SLC26A3: variants seen among roughly 807,000 people sequenced by gnomAD.
The protein encoded by SLC26A3 is chloride anion exchanger.
SLC26A3 carries 64 observed loss-of-function variants against 85.6 expected under a neutral mutation model. The ratio of observed to expected loss-of-function variants is 0.75; its 90% CI spans 0.61 to 0.92. The LOEUF is 0.92. Ranked by LOEUF, SLC26A3 falls within the 40% of genes least tolerant of loss-of-function variation. The probability of loss-of-function intolerance (pLI) is 0.00; values close to 1 mark genes in which losing one functional copy is unlikely to be tolerated. For missense variants in SLC26A3, 922 were observed against 927.3 expected (o/e 0.99, Z 0.07); for synonymous variants, 349 against 336.0 (o/e 1.04, Z -0.42).
Position 107,782,973 on chromosome 7 carries a change from G to T in SLC26A3, c.1233+7C>A. 6.2e-7 allele frequency: 1 copy of T among 1,613,634 alleles called. No homozygotes were observed. Among genetic ancestry groups the T allele is most frequent in the Non-Finnish European group, 8.5e-7 (1 of 1,179,516 alleles). ...GGACAGTGCTTGCAGCAAAGATCTT[G>T]ACATACCTGTGTTTTGCCTCCTGTG... On this transcript the variant is annotated splice_region_variant and intron_variant, in intron 10 of 20. Transcript: ENST00000340010.
intron 15 of SLC26A3, 90 bp downstream of exon 15, chr7:107,776,362 C>T (rs1794114801): frequency 9.3e-7 from 1 of 1,078,518 alleles, no homozygotes. Context: ...TGTGACACAA[C>T]CCAGTCTCAA....
At chr7:107,778,349 T>G (rs1051904985) in intron 12 of SLC26A3, 68 bp from the exon 13 acceptor site, 1 of 758,876 alleles carries the variant, frequency 1.3e-6, no homozygotes, top group African/African-American at 1.9e-5. Flanking sequence ...AGACGGGGTC[T>G]TTTAAAAAGA....
intron 3 of SLC26A3, 104 bp downstream of exon 3, chr7:107,793,637 TG>T (rs1794441790): frequency 1.2e-6 from 1 of 842,124 alleles, no homozygotes; most frequent in South Asian, 1.6e-5. Flanking sequence ...AATTAGATAG[TG>T]GTGACAGATG....
At chr7:107,796,087 T>C (rs556927403) in intron 1 of SLC26A3, among the ~76,000 whole-genome samples, 1 of 144,510 alleles carries the variant, frequency 6.9e-6, no homozygotes, top group African/African-American at 2.7e-5. Flanking sequence ...AGCTCAGTTA[T>C]GACTCCCTTA....
At chr7:107,780,593 A>G (rs1008205384) in intron 11 of SLC26A3, among the ~76,000 whole-genome samples, 2 of 152,204 alleles carry the variant, frequency 1.3e-5, no homozygotes, top group Admixed American at 1.3e-4. Flanking sequence ...ATACTGCTAT[A>G]CCATGAAAAC....
chr7:107,766,503 T>G (rs535816039), intron 20 of SLC26A3, among the ~76,000 whole-genome samples: 1 of 152,282 alleles, frequency 6.6e-6, no homozygotes, highest in Admixed American at 6.5e-5. Flanking sequence ...TCATGGTGCT[T>G]ATGTACATTC....
At chr7:107,776,090 G>A in intron 15 of SLC26A3, 1 of 333,734 alleles carries the variant, frequency 3.0e-6, no homozygotes, top group South Asian at 3.0e-5. Flanking sequence ...TTGAGGATGT[G>A]GTCAAATATT....
intron 4 of SLC26A3, 63 bp downstream of exon 4, chr7:107,791,767 T>G (rs1315489348): frequency 2.9e-6 from 3 of 1,034,688 alleles, no homozygotes; most frequent in Non-Finnish European, 4.6e-6. Context: ...ATAGAAGGTA[T>G]GGCTAATAAA....
intron 11 of SLC26A3, among the ~76,000 whole-genome samples, chr7:107,781,962 A>G (rs1794222197): frequency 6.6e-6 from 1 of 152,158 alleles, no homozygotes; most frequent in Non-Finnish European, 1.5e-5. Flanking sequence ...TAGTTCACAT[A>G]CATGATCTTA....
rs1794066424 is a variant in SLC26A3, at chr7:107,773,917, T to C, written c.2007+3A>G. The stretch of plus-strand genomic sequence containing the variant: ...TTGTTTCCATTAAGAACAAAGAAAT[T>C]ACCGATTTAAGGCCCCTCACTGAAG... On this transcript the variant is annotated splice_donor_region_variant and intron_variant, in intron 17 of 20. Coordinates refer to ENST00000340010, the MANE Select transcript of SLC26A3 (RefSeq NM_000111.3). The C allele has an allele frequency of 6.2e-7, 1 of 1,605,522 alleles. No homozygotes were observed. The highest frequency in any genetic ancestry group is 8.5e-7 in the Non-Finnish European group (1 of 1,172,258).
Position 107,765,770 on chromosome 7 carries a change from A to G in SLC26A3, c.*85T>C, listed in dbSNP as rs993046588. The G allele has an allele frequency of 7.0e-6, 7 of 995,118 alleles. No individual in the cohort carries two copies. The highest frequency in any genetic ancestry group is 1.6e-5 in the African/African-American group (1 of 62,980). The allele number at this position is 995,118 out of a possible 1,614,324, so 61.6% of individuals were successfully genotyped here. Reference sequence around the variant, plus strand: ...TTCTGTCAAAAATACTCTTCGTACAATGTATGAACTTATCAATAACTTTCT... The same window carrying G: ...TTCTGTCAAAAATACTCTTCGTACAGTGTATGAACTTATCAATAACTTTCT... On this transcript the variant is annotated 3_prime_UTR_variant, in exon 21 of 21. Coordinates refer to ENST00000340010, the MANE Select transcript of SLC26A3 (RefSeq NM_000111.3).
At chr7:107,798,431 C>T (rs1794546899) in intron 1 of SLC26A3, among the ~76,000 whole-genome samples, 1 of 152,206 alleles carries the variant, frequency 6.6e-6, no homozygotes, top group Non-Finnish European at 1.5e-5. Context: ...AGAACCTCCA[C>T]TCTGCCTGCC....
At chr7:107,782,179 A>C (rs908189129) in intron 11 of SLC26A3, among the ~76,000 whole-genome samples, 1 of 152,184 alleles carries the variant, frequency 6.6e-6, no homozygotes, top group African/African-American at 2.4e-5. Flanking sequence ...ATTTACTGTC[A>C]TCTTGTTTCC....
intron 5 of SLC26A3, among the ~76,000 whole-genome samples, chr7:107,790,235 C>T (rs1794369999): frequency 6.6e-6 from 1 of 152,142 alleles, no homozygotes; most frequent in Admixed American, 6.5e-5. Flanking sequence ...CATTGTTTTG[C>T]AATCGAGTGA....
chr7:107,795,235 C>T (rs1301217138), intron 1 of SLC26A3, among the ~76,000 whole-genome samples: 1 of 152,110 alleles, frequency 6.6e-6, no homozygotes, highest in Non-Finnish European at 1.5e-5. Context: ...TGAGCCTTGC[C>T]TGTATAATGG....
chr7:107,801,440 C>T (rs1794597682), intron 1 of SLC26A3, among the ~76,000 whole-genome samples: 1 of 152,162 alleles, frequency 6.6e-6, no homozygotes, highest in Non-Finnish European at 1.5e-5. Flanking sequence ...GACAAATCTC[C>T]TTGAGGTGAC....
intron 8 of SLC26A3, among the ~76,000 whole-genome samples, chr7:107,783,751 A>G (rs1413320836): frequency 6.6e-6 from 1 of 152,224 alleles, no homozygotes; most frequent in Admixed American, 6.5e-5. Flanking sequence ...TTGAGCAAAC[A>G]CAATTGTGAG....
At chr7:107,770,544 C>T (rs995503164) in intron 18 of SLC26A3, among the ~76,000 whole-genome samples, 15 of 152,062 alleles carry the variant, frequency 9.9e-5, no homozygotes, top group African/African-American at 2.9e-4. Context: ...AGGCATGAGC[C>T]ACCGCTCCCA....
chr7:107,790,151 T>A (rs1794368332), intron 5 of SLC26A3, among the ~76,000 whole-genome samples: 1 of 152,210 alleles, frequency 6.6e-6, no homozygotes, highest in South Asian at 2.1e-4. Flanking sequence ...AAGAAATACA[T>A]AACTGCATAT....
Sources: gnomAD v4.1 joint callset for allele counts (sites outside exome capture counted in the v4.1 genomes callset) on GRCh38, gnomAD v4.1.1 for gene constraint, MANE v1.5 for transcripts, NCBI Gene and HGNC (gene_info 2026-07-23, HGNC 2026-07-21) for gene names.